Variants in STAMBPL1 observed in about 807,000 individuals in gnomAD.
STAMBPL1 encodes STAM binding protein like 1, also known as AMSH-like protease.
A neutral mutation model predicts 52.9 loss-of-function variants in STAMBPL1; 44 were observed. That is an observed-to-expected ratio of 0.83 (90% CI 0.65 to 1.07). The LOEUF (loss-of-function observed/expected upper bound fraction) is 1.07. Ranked by LOEUF, STAMBPL1 falls within the 50% of genes least tolerant of loss-of-function variation. The pLI is 0.00. For missense variants in STAMBPL1, 511 were observed against 520.8 expected, an observed-to-expected ratio of 0.98 and a Z score of 0.18; for synonymous variants, 164 against 177.3, an observed-to-expected ratio of 0.92 and a Z score of 0.60.
In STAMBPL1 at chr10:88,899,559, G is replaced by C. The variant is rs374731460; in HGVS notation, c.-53-2097G>C. Among the ~76,000 whole-genome samples, 22 of 152,278 alleles carry C rather than the reference G, an allele frequency of 1.4e-4. No homozygotes were observed. The East Asian group carries it at 1.7e-3, about 12-fold the overall frequency. The stretch of plus-strand genomic sequence containing the variant: ...GAGTCTCGCTCTGTCACCCAGGCTA[G>C]AGTGTAGTGGTGCCATCTCAACTCA... On this transcript the variant is annotated intron_variant, in intron 1 of 10. Transcript: ENST00000371926.
At chr10:88,889,979 G>C (rs917286860) in intron 1 of STAMBPL1, among the ~76,000 whole-genome samples, 1 of 152,078 alleles carries the variant, frequency 6.6e-6, no homozygotes, top group African/African-American at 2.4e-5. Context: ...CCCTTGATTT[G>C]GGTTTATTTG....
chr10:88,896,294 A>C (rs1394817676), intron 1 of STAMBPL1, among the ~76,000 whole-genome samples: 1 of 152,174 alleles, frequency 6.6e-6, no homozygotes, highest in East Asian at 1.9e-4. Flanking sequence ...TTCAAAAGGG[A>C]CATGAAGGGT....
Position 88,913,864 on chromosome 10 carries a change from T to C in STAMBPL1, c.778+406T>C, listed in dbSNP as rs11814985. ...TTTGCTCAGCAATAAATGTTTATACTCAATATGTTTAGCATCATCCTTGGA... is the reference window on the plus strand; with the variant it reads ...TTTGCTCAGCAATAAATGTTTATACCCAATATGTTTAGCATCATCCTTGGA... On this transcript the variant is annotated intron_variant, in intron 6 of 10. Transcript: ENST00000371926. Among the ~76,000 whole-genome samples, 1,170 of 152,270 alleles carry C rather than the reference T, an allele frequency of 7.7e-3. 16 individuals are homozygous for C. The highest frequency in any genetic ancestry group is 0.027 in the African/African-American group (1,106 of 41,538).
intron 7 of STAMBPL1, 103 bp from the exon 8 acceptor site, chr10:88,916,577 C>A: frequency 1.7e-6 from 2 of 1,207,242 alleles, no homozygotes; most frequent in Non-Finnish European, 2.2e-6. Context: ...TGGACACACC[C>A]CCCTGCTGGG....
chr10:88,909,330 T>C (rs1468827881), intron 4 of STAMBPL1, among the ~76,000 whole-genome samples: 1 of 152,230 alleles, frequency 6.6e-6, no homozygotes, highest in South Asian at 2.1e-4. Flanking sequence ...ATAATTGCTA[T>C]ATCTATAATT....
At chr10:88,897,792 G>C (rs968549332) in intron 1 of STAMBPL1, among the ~76,000 whole-genome samples, 3 of 152,278 alleles carry the variant, frequency 2.0e-5, no homozygotes, top group South Asian at 2.1e-4. Flanking sequence ...TGTTTGCACC[G>C]TGTGCTTTGT....
Position 88,913,286 on chromosome 10 carries a change from G to A in STAMBPL1, c.606G>A (p.Leu202=). ...GQMRSQQTSG[L]SEQIDGSALS... ...TGCGAAGTCAGCAAACCTCAGGGCTGTCAGAGCAGATTGATGGGAGCGCTT... is the reference window on the plus strand; with the variant it reads ...TGCGAAGTCAGCAAACCTCAGGGCTATCAGAGCAGATTGATGGGAGCGCTT... Residue 202 remains leucine, a synonymous_variant, in exon 6 of 11, where the codon CTG becomes CTA. Transcript: ENST00000371926. 2 of 1,613,924 alleles carry A rather than the reference G, an allele frequency of 1.2e-6. No homozygotes were observed. The highest frequency in any genetic ancestry group is 1.7e-5 in the Admixed American group (1 of 59,978).
chr10:88,921,345 A>C lies in STAMBPL1; in HGVS notation c.1104A>C (p.Gln368His). 1 of 1,613,340 alleles carries C rather than the reference A, an allele frequency of 6.2e-7. No individual in the cohort carries two copies. The highest frequency in any genetic ancestry group is 8.5e-7 in the Non-Finnish European group (1 of 1,179,488). ...ATCTTCACACTCACTGTTCCTATCA[A>C]CTCATGTTGCCAGAGGCCATTGCCA... ...SVDLHTHCSY[Q>H]LMLPEAIAIV... Residue 368 changes from glutamine to histidine, a missense_variant, in exon 9 of 11, where the codon CAA becomes CAC. Gln to His is a conservative substitution (Grantham distance 24). This residue lies in a region of STAMBPL1 where 137 missense variants were observed against 139.9 expected (regional missense o/e 0.98). Coordinates refer to ENST00000371926, the MANE Select transcript of STAMBPL1 (RefSeq NM_020799.4).
intron 1 of STAMBPL1, among the ~76,000 whole-genome samples, chr10:88,892,686 G>C (rs1390646575): frequency 1.3e-5 from 2 of 152,238 alleles, no homozygotes; most frequent in Non-Finnish European, 2.9e-5. Flanking sequence ...TATGAATACA[G>C]CCTCTGCTGT....
intron 4 of STAMBPL1, 98 bp downstream of exon 4, chr10:88,908,875 G>C: frequency 1.0e-6 from 1 of 981,908 alleles, no homozygotes; most frequent in Non-Finnish European, 1.5e-6. Context: ...TTTCTCTTGA[G>C]AGTTTGAGCG....
chr10:88,913,800 C>T (rs543638280), intron 6 of STAMBPL1, among the ~76,000 whole-genome samples: 3 of 152,232 alleles, frequency 2.0e-5, no homozygotes, highest in Admixed American at 2.0e-4. Context: ...ATCCATCTTT[C>T]TGGGGAGAAA....
At chr10:88,903,503 C>T (rs1435848185) in intron 2 of STAMBPL1, among the ~76,000 whole-genome samples, 1 of 152,174 alleles carries the variant, frequency 6.6e-6, no homozygotes, top group African/African-American at 2.4e-5. Flanking sequence ...AATTATAACT[C>T]AGTGTGGACT....
Position 88,923,264 on chromosome 10 carries a change from C to A in STAMBPL1, c.*40C>A. 1 of 1,553,548 alleles carries A rather than the reference C, an allele frequency of 6.4e-7. No individual in the cohort carries two copies. On this transcript the variant is annotated 3_prime_UTR_variant, in exon 11 of 11. Coordinates refer to ENST00000371926, the MANE Select transcript of STAMBPL1 (RefSeq NM_020799.4). Reference sequence around the variant, plus strand: ...AAGCACCGTCAACATCAGACACCTACTCATGGACATGTGGTTGCCGGATTT... The same window carrying A: ...AAGCACCGTCAACATCAGACACCTAATCATGGACATGTGGTTGCCGGATTT...
intron 8 of STAMBPL1, among the ~76,000 whole-genome samples, chr10:88,920,478 A>G (rs1356068626): frequency 6.6e-6 from 1 of 152,336 alleles, no homozygotes; most frequent in East Asian, 1.9e-4. Flanking sequence ...AGTGGTGCCA[A>G]GAATCTTTGT....
Position 88,911,100 on chromosome 10 carries a change from T to G in STAMBPL1, c.420+89T>G, listed in dbSNP as rs1845212525. 5.7e-5 allele frequency: 48 copies of G among 849,392 alleles called. 1 individual carries two copies. The South Asian group carries it at 9.3e-4, about 16-fold the overall frequency. 52.6% of individuals were successfully genotyped at this position (849,392 alleles called of 1,614,324 possible). On this transcript the variant is annotated intron_variant, in intron 5 of 10. Transcript: ENST00000371926. ...TTTTATGTGATGAGTTTTTCAAATG[T>G]TTTGTGCATTTAAATTAAAAATTAA...
chr10:88,882,157 T>C (rs1005604796), intron 1 of STAMBPL1: 2 of 152,224 alleles, frequency 1.3e-5, no homozygotes, highest in Non-Finnish European at 2.9e-5. Flanking sequence ...AAATTTAAAT[T>C]ATAAGGCAGA....
At chr10:88,922,796 A>G (rs907929848) in intron 10 of STAMBPL1, among the ~76,000 whole-genome samples, 1 of 152,094 alleles carries the variant, frequency 6.6e-6, no homozygotes, top group African/African-American at 2.4e-5. Flanking sequence ...GATATGGCCA[A>G]ATTAGTTTTT....
At chr10:88,880,673 G>T (rs1207782977) in intron 1 of STAMBPL1, 35 bp downstream of exon 1, 1 of 152,236 alleles carries the variant, frequency 6.6e-6, no homozygotes, top group Non-Finnish European at 1.5e-5. Flanking sequence ...GTGAGAGCGC[G>T]CACCGGACGG....
chr10:88,910,942 G>A lies in STAMBPL1; in HGVS notation c.351G>A (p.Arg117=). The A allele has an allele frequency of 1.3e-6, 2 of 1,596,676 alleles. No homozygotes were observed. ...AACTGAAGGAGATTGCATTCCCAAG[G>A]ACAGATGAATTGAAAAACGACCTTT... is the stretch of plus-strand genomic sequence containing the variant. ...MKKLKEIAFP[R]TDELKNDLLK... Residue 117 remains arginine, a synonymous_variant, in exon 5 of 11, where the codon AGG becomes AGA. Transcript: ENST00000371926.
Sources: gnomAD v4.1 joint callset for allele counts (sites outside exome capture counted in the v4.1 genomes callset) on GRCh38, gnomAD v4.1.1 for gene constraint, gnomAD v4.1.1 regional missense constraint, MANE v1.5 for transcripts, NCBI Gene and HGNC (gene_info 2026-07-23, HGNC 2026-07-21) for gene names.